The following GALNTL6 variants were observed in gnomAD, a reference collection of about 807,000 sequenced individuals.
GALNTL6 encodes polypeptide N-acetylgalactosaminyltransferase like 6, also known as polypeptide N-acetylgalactosaminyltransferase-like 6.
In GALNTL6, 46 loss-of-function variants were observed where a neutral mutation model predicts 73.7. The ratio of observed to expected loss-of-function variants is 0.62; its 90% CI spans 0.49 to 0.80. The LOEUF (loss-of-function observed/expected upper bound fraction) is 0.80. Among genes scored for constraint, GALNTL6 ranks in the 30% least tolerant of loss-of-function variants. GALNTL6 has a pLI of 0.00. For missense variants in GALNTL6, 604 were observed against 755.0 expected (o/e 0.80, Z 2.34); for synonymous variants, 259 against 263.7 (o/e 0.98, Z 0.17).
intron 5 of GALNTL6, among the ~76,000 whole-genome samples, chr4:172,798,063 C>A (rs188039494): frequency 6.6e-6 from 1 of 152,142 alleles, no homozygotes; most frequent in African/African-American, 2.4e-5. Context: ...TACTGGGGGC[C>A]TGTGACTTCC....
chr4:172,733,613 G>C (rs1413843968), intron 5 of GALNTL6, among the ~76,000 whole-genome samples: 3 of 152,164 alleles, frequency 2.0e-5, no homozygotes, highest in African/African-American at 7.2e-5. Context: ...TCTCATGATA[G>C]TGAATAAGTC....
At chr4:172,908,133 G>A (rs1187849819) in intron 8 of GALNTL6, among the ~76,000 whole-genome samples, 2 of 152,172 alleles carry the variant, frequency 1.3e-5, no homozygotes, top group Non-Finnish European at 2.9e-5. Context: ...GGAGCAGGAG[G>A]ATGTGAGATT....
intron 7 of GALNTL6, among the ~76,000 whole-genome samples, chr4:172,878,111 C>T (rs2111181005): frequency 6.6e-6 from 1 of 151,886 alleles, no homozygotes; most frequent in Admixed American, 6.5e-5. Flanking sequence ...TTTTCATTTC[C>T]TCTAATGAAA....
intron 5 of GALNTL6, among the ~76,000 whole-genome samples, chr4:172,407,648 A>G (rs1295196016): frequency 6.6e-6 from 1 of 152,102 alleles, no homozygotes; most frequent in African/African-American, 2.4e-5. Flanking sequence ...AACGAAACAA[A>G]ATGAATATTT....
chr4:172,869,838 T>C (rs1744833766), intron 7 of GALNTL6, among the ~76,000 whole-genome samples: 2 of 152,108 alleles, frequency 1.3e-5, no homozygotes, highest in African/African-American at 4.8e-5. Context: ...AATCAACCCA[T>C]GCATAAACTA....
At chr4:172,712,906 A>G (rs1734799717) in intron 5 of GALNTL6, among the ~76,000 whole-genome samples, 1 of 152,116 alleles carries the variant, frequency 6.6e-6, no homozygotes, top group Non-Finnish European at 1.5e-5. Flanking sequence ...CAGTTTTGCC[A>G]CTTGCTCTCA....
intron 2 of GALNTL6, among the ~76,000 whole-genome samples, chr4:172,218,535 T>C (rs947545909): frequency 5.9e-5 from 9 of 152,188 alleles, no homozygotes; most frequent in Admixed American, 2.6e-4. Flanking sequence ...CAGTTTCTGC[T>C]GTAAGAAAAG....
intron 2 of GALNTL6, among the ~76,000 whole-genome samples, chr4:172,086,770 A>C (rs1422597601): frequency 6.6e-6 from 1 of 152,184 alleles, no homozygotes; most frequent in Non-Finnish European, 1.5e-5. Flanking sequence ...AAAAAATAGC[A>C]AGAACAAATT....
intron 5 of GALNTL6, among the ~76,000 whole-genome samples, chr4:172,574,919 T>C (rs1448792123): frequency 2.5e-5 from 3 of 122,110 alleles, no homozygotes; most frequent in African/African-American, 9.8e-5. Flanking sequence ...CATGCATGCA[T>C]GTGTATACAC....
chr4:172,187,612 T>A (rs1052592332), intron 2 of GALNTL6, among the ~76,000 whole-genome samples: 1 of 152,122 alleles, frequency 6.6e-6, no homozygotes, highest in Non-Finnish European at 1.5e-5. Context: ...CAATTTCAAA[T>A]GAAGAAAATA....
chr4:171,910,236 A>G (rs549234832), intron 2 of GALNTL6, among the ~76,000 whole-genome samples: 2 of 152,150 alleles, frequency 1.3e-5, no homozygotes, highest in East Asian at 3.9e-4. Context: ...TTTTACCTTC[A>G]TCTTTTTAAT....
chr4:172,307,665 T>C (rs1740191210), intron 3 of GALNTL6, among the ~76,000 whole-genome samples: 1 of 151,922 alleles, frequency 6.6e-6, no homozygotes, highest in South Asian at 2.1e-4. Context: ...CAGTTGGCTG[T>C]AAGTATTTGC....
chr4:172,087,332 C>G (rs1447090083), intron 2 of GALNTL6, among the ~76,000 whole-genome samples: 2 of 151,430 alleles, frequency 1.3e-5, no homozygotes, highest in African/African-American at 2.4e-5. Flanking sequence ...GTAGTCCCAG[C>G]TACTCGGGAG....
At chr4:172,299,702 T>G (rs1234759174) in intron 3 of GALNTL6, among the ~76,000 whole-genome samples, 1 of 152,236 alleles carries the variant, frequency 6.6e-6, no homozygotes, top group East Asian at 1.9e-4. Context: ...TAATCCTGAG[T>G]TCTAGTTTGA....
intron 5 of GALNTL6, among the ~76,000 whole-genome samples, chr4:172,577,281 G>A (rs1736991417): frequency 6.6e-6 from 1 of 152,180 alleles, no homozygotes; most frequent in South Asian, 2.1e-4. Flanking sequence ...AAAGGTTTCT[G>A]AGAATACATT....
At chr4:172,709,552 A>G (rs1373725726) in intron 5 of GALNTL6, among the ~76,000 whole-genome samples, 1 of 152,180 alleles carries the variant, frequency 6.6e-6, no homozygotes, top group Non-Finnish European at 1.5e-5. Context: ...GACTGTCAGC[A>G]GGTGAGCTTT....
At chr4:172,658,189 G>A (rs373671694) in intron 5 of GALNTL6, among the ~76,000 whole-genome samples, 6 of 134,308 alleles carry the variant, frequency 4.5e-5, no homozygotes, top group African/African-American at 1.7e-4. Flanking sequence ...TTGTGGGGCC[G>A]GGTGCAGTGG....
rs977671546 is a variant in GALNTL6 at position 173,040,407 on chromosome 4, A to G, written c.*307A>G. 9.3e-6 allele frequency: 3 copies of G among 323,668 alleles called. No homozygotes were observed. The highest frequency in any genetic ancestry group is 1.7e-5 in the Non-Finnish European group (3 of 174,732). The allele number at this position is 323,668 out of a possible 1,614,324, so 20.0% of individuals were successfully genotyped here. On this transcript the variant is annotated 3_prime_UTR_variant, in exon 13 of 13. Coordinates refer to ENST00000506823, the MANE Select transcript of GALNTL6 (RefSeq NM_001034845.3). ...ATAAATCCTAGCATTTCTCAGGTCA[A>G]ATCCTGCAGTAGTGAGTAGCTATGA...
intron 5 of GALNTL6, among the ~76,000 whole-genome samples, chr4:172,742,979 A>C (rs751668863): frequency 1.3e-5 from 2 of 152,044 alleles, no homozygotes; most frequent in Non-Finnish European, 2.9e-5. Flanking sequence ...TGATAGGTCA[A>C]ATAATCCCAA....
Sources: allele counts gnomAD v4.1 joint callset (sites outside exome capture counted in the v4.1 genomes callset), GRCh38; gene constraint gnomAD v4.1.1; transcripts MANE v1.5; gene names NCBI Gene and HGNC (gene_info 2026-07-23, HGNC 2026-07-21).